The following SUSD1 variants were observed in gnomAD, a reference collection of about 807,000 sequenced individuals.
The protein encoded by SUSD1 is sushi domain containing 1.
SUSD1 carries 65 observed loss-of-function variants against 86.9 expected under a neutral mutation model. That is an observed-to-expected ratio of 0.75 (90% CI 0.61 to 0.92). SUSD1 has a LOEUF of 0.92. Among genes scored for constraint, SUSD1 ranks in the 40% least tolerant of loss-of-function variants. SUSD1 has a pLI of 0.00. For synonymous variants in SUSD1, 346 were observed against 350.0 expected, an observed-to-expected ratio of 0.99 and a Z score of 0.13; for missense variants, 850 against 929.7, an observed-to-expected ratio of 0.91 and a Z score of 1.11.
At chr9:112,100,698 G>A (rs200968725) in intron 9 of SUSD1, among the ~76,000 whole-genome samples, 25 of 151,796 alleles carry the variant, frequency 1.6e-4, no homozygotes, top group African/African-American at 5.8e-4. Context: ...TGGGCATGGT[G>A]GGGCATGCCT....
chr9:112,134,710 C>T (rs1286127371), intron 5 of SUSD1, among the ~76,000 whole-genome samples: 1 of 151,736 alleles, frequency 6.6e-6, no homozygotes, highest in Non-Finnish European at 1.5e-5. Flanking sequence ...ATGCAATATA[C>T]CATTGTAACA....
intron 8 of SUSD1, among the ~76,000 whole-genome samples, chr9:112,107,655 C>T (rs1366784837): frequency 6.6e-6 from 1 of 152,080 alleles, no homozygotes; most frequent in Non-Finnish European, 1.5e-5. Flanking sequence ...GCATATCATG[C>T]AAATGCAAGC....
chr9:112,047,026 T>C (rs1827984770), intron 15 of SUSD1, among the ~76,000 whole-genome samples: 1 of 152,158 alleles, frequency 6.6e-6, no homozygotes, highest in Non-Finnish European at 1.5e-5. Context: ...AGGGCCTGTA[T>C]TAGTCCCTTC....
At chr9:112,084,204 T>C (rs1022235264) in intron 10 of SUSD1, among the ~76,000 whole-genome samples, 9 of 152,162 alleles carry the variant, frequency 5.9e-5, no homozygotes, top group African/African-American at 2.2e-4. Context: ...ACAGTAGCAT[T>C]GTCTGTAATG....
chr9:112,163,393 C>T (rs1833649851), intron 1 of SUSD1, among the ~76,000 whole-genome samples: 1 of 151,970 alleles, frequency 6.6e-6, no homozygotes, highest in South Asian at 2.1e-4. Context: ...TTTCAAGCTC[C>T]TGGCCTCAAA....
chr9:112,054,251 A>C (rs1828349411), intron 14 of SUSD1, among the ~76,000 whole-genome samples: 1 of 152,188 alleles, frequency 6.6e-6, no homozygotes, highest in Admixed American at 6.5e-5. Context: ...ATGTCAAATA[A>C]TAGTTAACAA....
rs71382405 is a variant in SUSD1 at position 112,088,788 on chromosome 9, AAAAC to A, written c.1475-8627_1475-8624del. On this transcript the variant is annotated intron_variant, in intron 10 of 16. Transcript: ENST00000374270. ...GCCTGGGAGTGAGACCACATCTCAA[AAAAC>A]AAACAAACAAACAAACAAAAACTGA... Among the ~76,000 whole-genome samples, 1,174 of 150,996 alleles carry A rather than the reference AAAAC, an allele frequency of 7.8e-3. 15 individuals are homozygous for A. The highest frequency in any genetic ancestry group is 0.027 in the African/African-American group (1,106 of 40,938).
chr9:112,052,262 A>T (rs1253197305), intron 15 of SUSD1, 137 bp downstream of exon 15: 7 of 1,558,012 alleles, frequency 4.5e-6, no homozygotes, highest in Non-Finnish European at 6.1e-6. Flanking sequence ...TTTTTCAGCT[A>T]TGAAGCTCTT....
intron 9 of SUSD1, among the ~76,000 whole-genome samples, chr9:112,101,114 CACCT>C (rs1424854203): frequency 6.6e-6 from 1 of 152,028 alleles, no homozygotes; most frequent in African/African-American, 2.4e-5. Flanking sequence ...GTAATCCCAG[CACCT>C]AGGGAAGCTG....
intron 5 of SUSD1, 118 bp from the exon 6 acceptor site, chr9:112,124,554 C>T: frequency 1.1e-6 from 1 of 929,274 alleles, no homozygotes; most frequent in Non-Finnish European, 1.5e-6. Context: ...AAAGAGAAAA[C>T]ACTAACCCCA....
rs1832679668 is a variant in SUSD1 at position 112,143,600 on chromosome 9, C to G, written c.397G>C (p.Gly133Arg). Residue 133 changes from glycine to arginine, a missense_variant, in exon 4 of 17, where the codon GGC (glycine) becomes CGC (arginine). By Grantham distance (125) the Gly-to-Arg change is moderately radical. Transcript: ENST00000374270. ...CATCGCCCTCCATGCCTGCACAGGC[C>G]AGAAACTTCACACTCATCTATGTCT... ...CTDIDECEVS[G>R]LCRHGGRCVN... The G allele has an allele frequency of 1.2e-6, 2 of 1,613,128 alleles. No homozygotes were observed. Among genetic ancestry groups the G allele is most frequent in the Non-Finnish European group, 1.7e-6 (2 of 1,179,732 alleles).
intron 2 of SUSD1, among the ~76,000 whole-genome samples, chr9:112,153,771 G>A (rs897814289): frequency 5.3e-5 from 8 of 151,916 alleles, no homozygotes; most frequent in Non-Finnish European, 1.2e-4. Flanking sequence ...CTGCCACCAT[G>A]CCTGGCTAAT....
At chr9:112,069,160 C>T (rs1056026665) in intron 12 of SUSD1, among the ~76,000 whole-genome samples, 53 of 152,240 alleles carry the variant, frequency 3.5e-4, no homozygotes, top group Admixed American at 5.9e-4. Context: ...GGCGGACCAC[C>T]GAGAAACCCA....
chr9:112,094,616 G>A (rs1216976299), intron 10 of SUSD1, among the ~76,000 whole-genome samples: 1 of 152,220 alleles, frequency 6.6e-6, no homozygotes, highest in Non-Finnish European at 1.5e-5. Flanking sequence ...TACAAAACAG[G>A]TTTTGGTCTT....
At chr9:112,167,011 C>G (rs1039270275) in intron 1 of SUSD1, among the ~76,000 whole-genome samples, 7 of 152,184 alleles carry the variant, frequency 4.6e-5, no homozygotes, top group Admixed American at 1.3e-4. Flanking sequence ...CTACACCTAA[C>G]AATGAGAGGG....
chr9:112,162,146 T>G (rs993926041), intron 1 of SUSD1, among the ~76,000 whole-genome samples: 3 of 152,196 alleles, frequency 2.0e-5, no homozygotes, highest in African/African-American at 7.2e-5. Flanking sequence ...TAGACAACCA[T>G]GAAACAACTG....
chr9:112,097,336 A>T (rs75422518), intron 10 of SUSD1, among the ~76,000 whole-genome samples: 1 of 151,444 alleles, frequency 6.6e-6, no homozygotes, highest in Non-Finnish European at 1.5e-5. Flanking sequence ...AAAAAAAAAA[A>T]TTAATTTTCA....
intron 5 of SUSD1, among the ~76,000 whole-genome samples, chr9:112,126,500 G>A (rs951225279): frequency 6.6e-6 from 1 of 152,160 alleles, no homozygotes; most frequent in Non-Finnish European, 1.5e-5. Flanking sequence ...TCAGTAACTT[G>A]TTCTCTAGGG....
At chr9:112,095,461 G>A (rs539384938) in intron 10 of SUSD1, among the ~76,000 whole-genome samples, 1 of 152,166 alleles carries the variant, frequency 6.6e-6, no homozygotes, top group South Asian at 2.1e-4. Context: ...AAGAAGCACC[G>A]ACCATTTAAG....
Sources: gnomAD v4.1 joint callset for allele counts (sites outside exome capture counted in the v4.1 genomes callset) on GRCh38, gnomAD v4.1.1 for gene constraint, MANE v1.5 for transcripts, NCBI Gene and HGNC (gene_info 2026-07-23, HGNC 2026-07-21) for gene names.